Variants in DNAJC24 observed in about 807,000 individuals in gnomAD.
DNAJC24 encodes the protein DnaJ heat shock protein family (Hsp40) member C24, also known as dnaJ homolog subfamily C member 24.
Under a neutral mutation model 18.0 loss-of-function variants are expected in DNAJC24, and 17 were observed. The ratio of observed to expected loss-of-function variants is 0.94; its 90% CI spans 0.65 to 1.42. The LOEUF (loss-of-function observed/expected upper bound fraction) is 1.42, where lower values mean the gene tolerates loss of function less well. Among genes scored for constraint, DNAJC24 ranks in the 40% most tolerant of loss-of-function variants. DNAJC24 has a pLI of 0.00. For synonymous variants in DNAJC24, 55 were observed against 57.7 expected (o/e 0.95, Z 0.21); for missense variants, 158 against 175.6 (o/e 0.90, Z 0.57).
chr11:31,372,686 G>A (rs59176654), intron 2 of DNAJC24, among the ~76,000 whole-genome samples: 7 of 135,674 alleles, frequency 5.2e-5, no homozygotes, highest in East Asian at 1.9e-4. Flanking sequence ...TCACATATGC[G>A]CTAACAATGT....
intron 2 of DNAJC24, among the ~76,000 whole-genome samples, chr11:31,414,097 C>T (rs1952733711): frequency 6.6e-6 from 1 of 151,960 alleles, no homozygotes. Context: ...GGTTTTGACC[C>T]AGTAGTATAA....
intron 2 of DNAJC24, among the ~76,000 whole-genome samples, chr11:31,391,030 A>G (rs1055339918): frequency 1.3e-5 from 2 of 152,196 alleles, no homozygotes; most frequent in African/African-American, 4.8e-5. Flanking sequence ...TATCCCTCGG[A>G]TGCAAGGATG....
intron 4 of DNAJC24, chr11:31,427,586 T>C (rs1003185749): frequency 6.6e-6 from 1 of 152,180 alleles, no homozygotes; most frequent in African/African-American, 2.4e-5. Flanking sequence ...ATATACTTTT[T>C]ATTTTTTGCC....
At position 31,411,651 on chromosome 11, in the gene DNAJC24, G is replaced by A. The variant is rs143275803; in HGVS notation, c.112-3160G>A. Among the ~76,000 whole-genome samples, 170 of 152,246 alleles carry A rather than the reference G, an allele frequency of 1.1e-3. 1 individual carries two copies. The highest frequency in any genetic ancestry group is 5.1e-3 in the Admixed American group (78 of 15,288). On this transcript the variant is annotated intron_variant, in intron 2 of 4. Coordinates refer to ENST00000465995, the MANE Select transcript of DNAJC24 (RefSeq NM_181706.5). ...CTCTCTCCACTGTCTTCACATCACC[G>A]TCTCTTCTGTGTGTCAGCTCTTTCT...
intron 3 of DNAJC24, among the ~76,000 whole-genome samples, chr11:31,426,011 C>T (rs900347759): frequency 6.6e-6 from 1 of 152,184 alleles, no homozygotes; most frequent in Non-Finnish European, 1.5e-5. Context: ...TGCAAAGAAT[C>T]ATCAAAATTA....
intron 2 of DNAJC24, among the ~76,000 whole-genome samples, chr11:31,403,535 A>T (rs182820605): frequency 2.6e-5 from 4 of 152,328 alleles, no homozygotes; most frequent in Admixed American, 2.6e-4. Flanking sequence ...CAGTTGTTTA[A>T]GGAAGCAGAG....
chr11:31,424,520 A>G (rs1276817209), intron 3 of DNAJC24, among the ~76,000 whole-genome samples: 3 of 152,210 alleles, frequency 2.0e-5, no homozygotes, highest in African/African-American at 7.2e-5. Context: ...TGAAGAGCAT[A>G]TAGCCTATTG....
At chr11:31,387,169 A>G (rs1364257512) in intron 2 of DNAJC24, among the ~76,000 whole-genome samples, 2 of 152,152 alleles carry the variant, frequency 1.3e-5, no homozygotes, top group African/African-American at 4.8e-5. Flanking sequence ...GGCCAGGGGG[A>G]TCTTACTGTC....
intron 2 of DNAJC24, among the ~76,000 whole-genome samples, chr11:31,381,149 C>A (rs1013028667): frequency 6.6e-6 from 1 of 152,058 alleles, no homozygotes; most frequent in Non-Finnish European, 1.5e-5. Flanking sequence ...TAAAATCATA[C>A]CTCTTGAGAC....
chr11:31,381,797 G>A (rs931029820), intron 2 of DNAJC24, among the ~76,000 whole-genome samples: 6 of 151,874 alleles, frequency 4.0e-5, no homozygotes, highest in African/African-American at 1.5e-4. Flanking sequence ...GGCTGGTCTC[G>A]AACTCCTGAC....
chr11:31,414,839 T>C lies in DNAJC24; in HGVS notation c.140T>C (p.Val47Ala), dbSNP rs554061713. The C allele has an allele frequency of 1.7e-4, 268 of 1,613,878 alleles. 4 individuals carry two copies. The South Asian group carries it at 2.7e-3, about 16-fold the overall frequency. The change falls in exon 3 of 5, where the codon GTA (valine) becomes GCA (alanine). Residue 47 changes from valine (V) to alanine (A), a missense_variant. Val to Ala is a moderately conservative substitution (Grantham distance 64). Coordinates refer to ENST00000465995, the MANE Select transcript of DNAJC24 (RefSeq NM_181706.5). ...CATCCAGATAAACAAAGTACAGATG[T>C]ACCAGCAGGAACAGTGGAGGAATGT... Reference protein sequence around the residue: ...MYHPDKQSTDVPAGTVEECVQ... With the variant: ...MYHPDKQSTDAPAGTVEECVQ...
chr11:31,379,539 A>G (rs1220955565), intron 2 of DNAJC24, among the ~76,000 whole-genome samples: 1 of 152,200 alleles, frequency 6.6e-6, no homozygotes, highest in Non-Finnish European at 1.5e-5. Context: ...AACTTTTGGC[A>G]ACCCAAGATT....
chr11:31,393,134 C>G (rs906360147), intron 2 of DNAJC24, among the ~76,000 whole-genome samples: 1 of 152,122 alleles, frequency 6.6e-6, no homozygotes, highest in Non-Finnish European at 1.5e-5. Flanking sequence ...CTTCTATGCC[C>G]GAATACAGCA....
Position 31,421,972 on chromosome 11 carries a change from G to T in DNAJC24, c.251-4315G>T, listed in dbSNP as rs75650172. 676 of 445,094 alleles carry T rather than the reference G, an allele frequency of 1.5e-3. 5 individuals carry two copies. Among genetic ancestry groups the T allele is most frequent in the African/African-American group, 0.011 (531 of 49,736 alleles). 27.6% of individuals were successfully genotyped at this position (445,094 alleles called of 1,614,324 possible). A position where few individuals can be genotyped will look rare whatever the true frequency, so the allele number is the denominator to read the frequency against. On this transcript the variant is annotated intron_variant, in intron 3 of 4. Transcript: ENST00000465995. ...TCCTTTTAATCTCTTTGAATTGCAGGCTCATAAACCTCTCTGATGAGTCCT... is the reference window on the plus strand; with the variant it reads ...TCCTTTTAATCTCTTTGAATTGCAGTCTCATAAACCTCTCTGATGAGTCCT...
chr11:31,394,452 C>T (rs1041462421), intron 2 of DNAJC24, among the ~76,000 whole-genome samples: 24 of 151,892 alleles, frequency 1.6e-4, no homozygotes, highest in African/African-American at 5.1e-4. Context: ...ATGTGGAATC[C>T]GTGATTAACG....
At chr11:31,388,619 T>TAC (rs1283524767) in intron 2 of DNAJC24, among the ~76,000 whole-genome samples, 1 of 152,142 alleles carries the variant, frequency 6.6e-6, no homozygotes, top group Non-Finnish European at 1.5e-5. Context: ...ATACTAAAGG[T>TAC]ACTTCCTCTG....
intron 4 of DNAJC24, among the ~76,000 whole-genome samples, chr11:31,428,219 T>A (rs1388967643): frequency 6.6e-6 from 1 of 151,974 alleles, no homozygotes; most frequent in Non-Finnish European, 1.5e-5. Context: ...CTAAAGTAAA[T>A]TTGACAGTAA....
At chr11:31,406,918 G>T (rs968717029) in intron 2 of DNAJC24, among the ~76,000 whole-genome samples, 7 of 152,180 alleles carry the variant, frequency 4.6e-5, no homozygotes, top group African/African-American at 1.7e-4. Flanking sequence ...CATTTATTGA[G>T]CGTGGAGTTA....
chr11:31,409,322 A>G (rs1238484349), intron 2 of DNAJC24, among the ~76,000 whole-genome samples: 1 of 152,226 alleles, frequency 6.6e-6, no homozygotes, highest in Non-Finnish European at 1.5e-5. Flanking sequence ...TGAGTTTGAT[A>G]TCATGTAAAT....
Sources: allele counts gnomAD v4.1 joint callset (sites outside exome capture counted in the v4.1 genomes callset), GRCh38; gene constraint gnomAD v4.1.1; transcripts MANE v1.5; gene names NCBI Gene and HGNC (gene_info 2026-07-23, HGNC 2026-07-21).